ATP6V1H: variants seen among roughly 807,000 people sequenced by gnomAD.
ATP6V1H encodes V-type proton ATPase subunit H.
ATP6V1H carries 39 observed loss-of-function variants against 71.7 expected under a neutral mutation model. The ratio of observed to expected loss-of-function variants is 0.54; its 90% CI spans 0.42 to 0.71. The LOEUF (loss-of-function observed/expected upper bound fraction) is 0.71, where lower values mean the gene tolerates loss of function less well. ATP6V1H is among the 30% of genes least tolerant of loss of function. ATP6V1H has a pLI of 0.00. For synonymous variants in ATP6V1H, 192 were observed against 199.3 expected (o/e 0.96, Z 0.31); for missense variants, 509 against 594.9 (o/e 0.86, Z 1.50).
intron 13 of ATP6V1H, among the ~76,000 whole-genome samples, chr8:53,724,317 T>C (rs949896070): frequency 4.6e-5 from 7 of 152,168 alleles, no homozygotes; most frequent in African/African-American, 7.2e-5. Context: ...ATTTATAATG[T>C]AGTACAGATG....
intron 4 of ATP6V1H, among the ~76,000 whole-genome samples, chr8:53,820,738 T>C (rs935177486): frequency 7.4e-5 from 11 of 149,348 alleles, no homozygotes; most frequent in African/African-American, 2.7e-4. Flanking sequence ...TCCCACAACT[T>C]TGGGAGGCCA....
intron 7 of ATP6V1H, among the ~76,000 whole-genome samples, chr8:53,804,183 A>G (rs948260623): frequency 6.6e-6 from 1 of 152,262 alleles, no homozygotes; most frequent in Non-Finnish European, 1.5e-5. Flanking sequence ...AGAGAGAAAC[A>G]GCACTGGTAA....
intron 7 of ATP6V1H, among the ~76,000 whole-genome samples, chr8:53,805,554 T>C (rs1041935212): frequency 6.6e-6 from 1 of 152,182 alleles, no homozygotes; most frequent in African/African-American, 2.4e-5. Flanking sequence ...AATGGAATTT[T>C]CATGCTTTGT....
intron 7 of ATP6V1H, among the ~76,000 whole-genome samples, chr8:53,803,736 A>G (rs896705753): frequency 1.3e-5 from 2 of 152,224 alleles, no homozygotes; most frequent in African/African-American, 4.8e-5. Context: ...ACAGATAAAT[A>G]GTGCATTTTC....
Position 53,768,767 on chromosome 8 carries a change from G to A in ATP6V1H, c.1175+851C>T, listed in dbSNP as rs953779063. On this transcript the variant is annotated intron_variant, in intron 11 of 13. Transcript: ENST00000359530. ...GATATTGGTGGTTACTTAGGGCTAG[G>A]TAGATGGGTGGATAGAGAGGTGACG... 5.3e-5 allele frequency among the ~76,000 whole-genome samples: 8 copies of A among 152,144 alleles called. 1 individual carries two copies. Among genetic ancestry groups the A allele is most frequent in the Admixed American group, 2.0e-4 (3 of 15,272 alleles).
At chr8:53,728,860 T>A (rs1056405694) in intron 13 of ATP6V1H, among the ~76,000 whole-genome samples, 4 of 152,172 alleles carry the variant, frequency 2.6e-5, no homozygotes, top group Admixed American at 6.5e-5. Flanking sequence ...CTCGGTCCTA[T>A]CTAAGCATGC....
In ATP6V1H at chr8:53,790,450, A is replaced by G. The variant is rs1274122454; in HGVS notation, c.870+5197T>C. 2.6e-5 allele frequency among the ~76,000 whole-genome samples: 4 copies of G among 152,106 alleles called. No homozygotes were observed. In the East Asian group the frequency reaches 7.7e-4, roughly 29 times the overall value. Reference sequence around the variant, plus strand: ...ACCAGCCCTTTATACAGTCACAAATATTTACTGAGGGTCCATTAGGCACCA... The same window carrying G: ...ACCAGCCCTTTATACAGTCACAAATGTTTACTGAGGGTCCATTAGGCACCA... On this transcript the variant is annotated intron_variant, in intron 9 of 13. Coordinates refer to ENST00000359530, the MANE Select transcript of ATP6V1H (RefSeq NM_015941.4).
rs567085665 is a variant in ATP6V1H at position 53,733,194 on chromosome 8, G to A, written c.1391+10383C>T. 2.3e-3 allele frequency among the ~76,000 whole-genome samples: 349 copies of A among 152,316 alleles called. 2 individuals carry two copies. Among genetic ancestry groups the A allele is most frequent in the African/African-American group, 8.0e-3 (331 of 41,564 alleles). On this transcript the variant is annotated intron_variant, in intron 13 of 13. Coordinates refer to ENST00000359530, the MANE Select transcript of ATP6V1H (RefSeq NM_015941.4). ...GACTGCCGCCAGCTGCTCATGTACTGAGGACAGCTGGTTCACCCGCCTGGA... is the reference window on the plus strand; with the variant it reads ...GACTGCCGCCAGCTGCTCATGTACTAAGGACAGCTGGTTCACCCGCCTGGA...
At chr8:53,830,670 CACACCAG>C (rs1463997016) in intron 3 of ATP6V1H, among the ~76,000 whole-genome samples, 1 of 152,044 alleles carries the variant, frequency 6.6e-6, no homozygotes, top group Non-Finnish European at 1.5e-5. Context: ...AAAGGCCCAT[CACACCAG>C]ACACTGCTAT....
intron 9 of ATP6V1H, among the ~76,000 whole-genome samples, chr8:53,776,302 G>T (rs1327507037): frequency 6.6e-6 from 1 of 152,216 alleles, no homozygotes; most frequent in Non-Finnish European, 1.5e-5. Flanking sequence ...CCTGCAAGCT[G>T]AGGGAGTGGG....
chr8:53,812,639 A>G (rs1810313970), intron 6 of ATP6V1H, among the ~76,000 whole-genome samples: 1 of 152,312 alleles, frequency 6.6e-6, no homozygotes, highest in African/African-American at 2.4e-5. Context: ...ACAGAGCCTT[A>G]TTACCACTAT....
chr8:53,726,998 A>T (rs1423672975), intron 13 of ATP6V1H, among the ~76,000 whole-genome samples: 1 of 152,250 alleles, frequency 6.6e-6, no homozygotes, highest in African/African-American at 2.4e-5. Context: ...CCTCTGAATT[A>T]GCAATTCCTT....
chr8:53,734,614 A>G (rs1563441217), intron 13 of ATP6V1H, among the ~76,000 whole-genome samples: 1 of 152,202 alleles, frequency 6.6e-6, no homozygotes, highest in African/African-American at 2.4e-5. Context: ...AAAAAACATA[A>G]AACATCAGCA....
intron 13 of ATP6V1H, among the ~76,000 whole-genome samples, chr8:53,720,378 G>C (rs1353135024): frequency 6.6e-6 from 1 of 152,170 alleles, no homozygotes; most frequent in Non-Finnish European, 1.5e-5. Flanking sequence ...ATCTGATGAA[G>C]AAACACTGAA....
At position 53,776,141 on chromosome 8, in the gene ATP6V1H, G is replaced by A. The variant is rs1808879938; in HGVS notation, c.871-3974C>T. Among the ~76,000 whole-genome samples, 3 of 152,218 alleles carry A rather than the reference G, an allele frequency of 2.0e-5. No individual in the cohort carries two copies. The South Asian group carries it at 6.2e-4, about 31-fold the overall frequency. ...ACAGCCTCCGCAGCAGCTGGCCCGG[G>A]TGCTAAGTCCGTCATTGCCCAGGGC... is the stretch of plus-strand genomic sequence containing the variant. On this transcript the variant is annotated intron_variant, in intron 9 of 13. Coordinates refer to ENST00000359530, the MANE Select transcript of ATP6V1H (RefSeq NM_015941.4).
At chr8:53,782,770 A>G (rs1216049650) in intron 9 of ATP6V1H, among the ~76,000 whole-genome samples, 4 of 152,150 alleles carry the variant, frequency 2.6e-5, no homozygotes, top group Non-Finnish European at 5.9e-5. Flanking sequence ...GAATTTTGTC[A>G]AAGGCCTTTT....
intron 11 of ATP6V1H, among the ~76,000 whole-genome samples, chr8:53,761,652 C>G (rs886737842): frequency 6.6e-6 from 1 of 152,170 alleles, no homozygotes; most frequent in African/African-American, 2.4e-5. Flanking sequence ...AAAAACTAAT[C>G]CACTCCTTCC....
At chr8:53,841,287 G>A (rs534693022) in intron 2 of ATP6V1H, among the ~76,000 whole-genome samples, 2 of 152,074 alleles carry the variant, frequency 1.3e-5, no homozygotes, top group South Asian at 2.1e-4. Flanking sequence ...TCCTCCCTCC[G>A]TTAGCCCAAG....
intron 4 of ATP6V1H, among the ~76,000 whole-genome samples, chr8:53,820,209 G>A (rs1481711161): frequency 1.3e-5 from 2 of 151,936 alleles, no homozygotes; most frequent in African/African-American, 4.8e-5. Context: ...CTGAAAAAGA[G>A]TACTGGTAGA....
Sources: allele counts gnomAD v4.1 joint callset (sites outside exome capture counted in the v4.1 genomes callset), GRCh38; gene constraint gnomAD v4.1.1; transcripts MANE v1.5; gene names NCBI Gene and HGNC (gene_info 2026-07-23, HGNC 2026-07-21).